Variants in PPA2 observed in about 807,000 individuals in gnomAD.
PPA2 encodes the protein inorganic pyrophosphatase 2, mitochondrial.
Under a neutral mutation model 49.5 loss-of-function variants are expected in PPA2, and 48 were observed. The observed-to-expected ratio is 0.97, with a 90% CI of 0.77 to 1.23. The LOEUF (loss-of-function observed/expected upper bound fraction) is 1.23, where lower values mean the gene tolerates loss of function less well. Among genes scored for constraint, PPA2 ranks in the 50% most tolerant of loss-of-function variants. PPA2 has a pLI of 0.00. For missense variants in PPA2, 429 were observed against 410.1 expected, an observed-to-expected ratio of 1.05 and a Z score of -0.40; for synonymous variants, 131 against 139.9, an observed-to-expected ratio of 0.94 and a Z score of 0.45.
Position 105,446,396 on chromosome 4 carries a change from C to T in PPA2, c.428G>A (p.Gly143Asp). The change falls in exon 5 of 12, where the codon GGT becomes GAT. Residue 143 changes from glycine (G) to aspartate (D), a missense_variant. By Grantham distance (94) the Gly-to-Asp change is moderately conservative. Coordinates refer to ENST00000341695, the MANE Select transcript of PPA2 (RefSeq NM_176869.3). Reference protein sequence around the residue: ...FPYKGYIWNYGTLPQTWEDPH... With the variant: ...FPYKGYIWNYDTLPQTWEDPH... ...CAAAAATGTTACCTGAGGGAGGGTACCATAATTCCATATATAACCCTTGTA... is the reference window on the plus strand; with the variant it reads ...CAAAAATGTTACCTGAGGGAGGGTATCATAATTCCATATATAACCCTTGTA... The T allele has an allele frequency of 6.4e-7, 1 of 1,570,762 alleles. No individual in the cohort carries two copies. The highest frequency in any genetic ancestry group is 8.6e-7 in the Non-Finnish European group (1 of 1,158,382).
intron 10 of PPA2, among the ~76,000 whole-genome samples, chr4:105,377,332 A>C (rs748925736): frequency 5.3e-5 from 8 of 152,282 alleles, no homozygotes; most frequent in Admixed American, 2.6e-4. Context: ...ACATTTATTG[A>C]ATACCTTATC....
chr4:105,471,021 A>T (rs536114726), intron 1 of PPA2, among the ~76,000 whole-genome samples: 1 of 152,314 alleles, frequency 6.6e-6, no homozygotes, highest in East Asian at 1.9e-4. Context: ...GTTTTTGGAG[A>T]AGTTACATCC....
intron 10 of PPA2, among the ~76,000 whole-genome samples, chr4:105,385,440 A>T (rs1035111305): frequency 7.9e-5 from 12 of 152,006 alleles, no homozygotes; most frequent in Non-Finnish European, 1.3e-4. Context: ...AAACAACAAC[A>T]AAAAAACAAA....
intron 2 of PPA2, among the ~76,000 whole-genome samples, chr4:105,454,097 T>TC (rs1560639159): frequency 6.6e-6 from 1 of 152,174 alleles, no homozygotes; most frequent in Non-Finnish European, 1.5e-5. Context: ...GCACTTTTTT[T>TC]CTTTTTTCTT....
chr4:105,370,774 T>C (rs1732991340), intron 11 of PPA2, 63 bp downstream of exon 11: 5 of 1,318,008 alleles, frequency 3.8e-6, no homozygotes, highest in South Asian at 1.8e-5. Context: ...AGTTTTTGGC[T>C]TCCACTACTG....
chr4:105,462,161 C>T (rs1723118763), intron 1 of PPA2, among the ~76,000 whole-genome samples: 1 of 151,710 alleles, frequency 6.6e-6, no homozygotes, highest in Non-Finnish European at 1.5e-5. Context: ...GCTGTGGCAA[C>T]ACATGCCGTT....
At chr4:105,437,264 T>C (rs1416579357) in intron 6 of PPA2, among the ~76,000 whole-genome samples, 2 of 150,554 alleles carry the variant, frequency 1.3e-5, no homozygotes, top group East Asian at 3.9e-4. Context: ...GTTTCTGAGC[T>C]CTACAAAATT....
intron 9 of PPA2, among the ~76,000 whole-genome samples, chr4:105,393,535 A>C (rs1403952568): frequency 9.1e-5 from 11 of 121,270 alleles, no homozygotes; most frequent in African/African-American, 3.4e-4. Context: ...AATAATAATA[A>C]TAATATGGTT....
At chr4:105,370,015 G>C (rs186941677) in intron 11 of PPA2, among the ~76,000 whole-genome samples, 1 of 152,062 alleles carries the variant, frequency 6.6e-6, no homozygotes, top group Non-Finnish European at 1.5e-5. Flanking sequence ...ATCTTTCTGG[G>C]TCATTTTAGT....
chr4:105,372,204 T>A (rs1309419250), intron 10 of PPA2, among the ~76,000 whole-genome samples: 2 of 152,020 alleles, frequency 1.3e-5, no homozygotes, highest in Non-Finnish European at 2.9e-5. Context: ...TCCTAGTGAG[T>A]CTAACTTTGG....
intron 6 of PPA2, 62 bp from the exon 7 acceptor site, chr4:105,424,384 A>G (rs1428488803): frequency 7.2e-7 from 1 of 1,393,098 alleles, no homozygotes; most frequent in Non-Finnish European, 9.5e-7. Flanking sequence ...ACATATCACA[A>G]AATCCATATA....
intron 3 of PPA2, among the ~76,000 whole-genome samples, chr4:105,449,606 T>C (rs1722582822): frequency 6.6e-6 from 1 of 152,208 alleles, no homozygotes; most frequent in East Asian, 1.9e-4. Flanking sequence ...ACCATGTCAC[T>C]TGAGCACTTA....
At chr4:105,396,872 C>T (rs992564954) in intron 8 of PPA2, among the ~76,000 whole-genome samples, 1 of 152,230 alleles carries the variant, frequency 6.6e-6, no homozygotes. Flanking sequence ...TAAGCATGCA[C>T]CCATTAATCT....
At chr4:105,410,539 A>T (rs1468667592) in intron 7 of PPA2, among the ~76,000 whole-genome samples, 1 of 152,202 alleles carries the variant, frequency 6.6e-6, no homozygotes, top group Non-Finnish European at 1.5e-5. Flanking sequence ...GCAGGCCAAC[A>T]TTCAAATTCA....
chr4:105,460,213 A>T (rs1723028014), intron 1 of PPA2, among the ~76,000 whole-genome samples: 3 of 152,228 alleles, frequency 2.0e-5, no homozygotes, highest in Non-Finnish European at 4.4e-5. Flanking sequence ...AATACAAATA[A>T]AACAATACAG....
chr4:105,409,091 G>A (rs989032318), intron 7 of PPA2, among the ~76,000 whole-genome samples: 1 of 152,232 alleles, frequency 6.6e-6, no homozygotes, highest in African/African-American at 2.4e-5. Flanking sequence ...CAGAAGCAGG[G>A]CAGGGCATTG....
intron 5 of PPA2, among the ~76,000 whole-genome samples, chr4:105,442,990 GGTAGTCAGAAT>G (rs1320577009): frequency 4.6e-5 from 7 of 152,100 alleles, no homozygotes; most frequent in African/African-American, 1.4e-4. Context: ...CATTAAGCTG[GGTAGTCAGAAT>G]GTATCAGTGA....
chr4:105,463,769 G>A (rs1192228712), intron 1 of PPA2, among the ~76,000 whole-genome samples: 3 of 152,210 alleles, frequency 2.0e-5, no homozygotes, highest in Non-Finnish European at 4.4e-5. Flanking sequence ...GCGGGTGGAA[G>A]CCCCAAGACT....
intron 8 of PPA2, 192 bp downstream of exon 8, chr4:105,398,845 C>A: frequency 4.3e-6 from 2 of 467,420 alleles, no homozygotes; most frequent in Middle Eastern, 5.7e-4. Flanking sequence ...TATTTTTCAG[C>A]CTTGTTGATT....
Sources: allele counts gnomAD v4.1 joint callset (sites outside exome capture counted in the v4.1 genomes callset), GRCh38; gene constraint gnomAD v4.1.1; transcripts MANE v1.5; gene names NCBI Gene and HGNC (gene_info 2026-07-23, HGNC 2026-07-21).